Variants in CDH11 observed in about 807,000 individuals in gnomAD.
The protein encoded by CDH11 is cadherin 11, also known as cadherin-11.
A neutral mutation model predicts 67.8 loss-of-function variants in CDH11; 11 were observed. The ratio of observed to expected loss-of-function variants is 0.16; its 90% CI spans 0.10 to 0.27. The LOEUF (loss-of-function observed/expected upper bound fraction) is 0.27, where lower values mean the gene tolerates loss of function less well. Among genes scored for constraint, CDH11 ranks in the 10% least tolerant of loss-of-function variants. The probability of loss-of-function intolerance (pLI) is 1.00; values close to 1 mark genes in which losing one functional copy is unlikely to be tolerated. For missense variants in CDH11, 847 were observed against 1,031.2 expected, an observed-to-expected ratio of 0.82 and a Z score of 2.45; for synonymous variants, 419 against 400.0, an observed-to-expected ratio of 1.05 and a Z score of -0.57.
At chr16:65,033,736 C>CTAAAAGAAAATAAAA (rs2073694194) in intron 2 of CDH11, among the ~76,000 whole-genome samples, 1 of 141,478 alleles carries the variant, frequency 7.1e-6, no homozygotes, top group African/African-American at 2.6e-5. Context: ...GACTCCATCT[C>CTAAAAGAAAATAAAA]TAAAATAAAA....
intron 1 of CDH11, among the ~76,000 whole-genome samples, chr16:65,071,806 C>T (rs189580898): frequency 2.6e-5 from 4 of 152,250 alleles, no homozygotes; most frequent in Admixed American, 6.5e-5. Flanking sequence ...GATCGTGACC[C>T]GAGCCGAAAG....
At chr16:65,069,926 C>T (rs2074386864) in intron 1 of CDH11, among the ~76,000 whole-genome samples, 1 of 152,168 alleles carries the variant, frequency 6.6e-6, no homozygotes, top group South Asian at 2.1e-4. Context: ...CCTTGCCCCT[C>T]ATGAGCTTGC....
Position 65,018,543 on chromosome 16 carries a change from G to A in CDH11, c.-172-13502C>T, listed in dbSNP as rs931408296. Among the ~76,000 whole-genome samples the A allele has an allele frequency of 3.9e-5, 6 of 152,048 alleles. No individual in the cohort carries two copies. The East Asian group carries it at 1.2e-3, about 29-fold the overall frequency. On this transcript the variant is annotated intron_variant, in intron 2 of 12. Transcript: ENST00000268603. ...GAGAAAGAAACGTGCTCCAAATTTT[G>A]CTCACAGTAGTATACTTTTCTCAAT...
In CDH11 at chr16:64,951,018, T is replaced by G. The variant is rs953517296; in HGVS notation, c.1643A>C (p.Asp548Ala). 1.2e-6 allele frequency: 2 copies of G among 1,611,742 alleles called. No homozygotes were observed. Among genetic ancestry groups the G allele is most frequent in the Admixed American group, 1.7e-5 (1 of 59,972 alleles). Reference protein sequence around the residue: ...NPNFTVRDNRDNTAGVYARRG... With the variant: ...NPNFTVRDNRANTAGVYARRG... ...CCGGGCGTACACGCCTGCTGTGTTA[T>G]CTGCAGAAAGAGGGGAGACAGGCCG... Residue 548 changes from aspartate (D) to alanine (A), a missense_variant and splice_region_variant, in exon 12 of 13, where the codon GAT becomes GCT. By Grantham distance (126) the Asp-to-Ala change is moderately radical (BLOSUM62 -2). Coordinates refer to ENST00000268603, the MANE Select transcript of CDH11 (RefSeq NM_001797.4).
chr16:65,032,855 C>A (rs2073672148), intron 2 of CDH11, among the ~76,000 whole-genome samples: 1 of 152,102 alleles, frequency 6.6e-6, no homozygotes, highest in Non-Finnish European at 1.5e-5. Context: ...CAAAATCATT[C>A]ATCAAGAGGT....
At chr16:65,040,695 G>A (rs550015893) in intron 2 of CDH11, among the ~76,000 whole-genome samples, 107 of 152,154 alleles carry the variant, frequency 7.0e-4, no homozygotes, top group African/African-American at 1.1e-3. Context: ...ACCCTAAAAC[G>A]TAAAGTATAA....
chr16:64,995,133 C>G (rs1439445554), intron 4 of CDH11, among the ~76,000 whole-genome samples: 1 of 151,908 alleles, frequency 6.6e-6, no homozygotes, highest in Non-Finnish European at 1.5e-5. Flanking sequence ...AATGTTTTCC[C>G]ATTTGATATC....
At chr16:65,053,976 GACC>G (rs1369752242) in intron 1 of CDH11, 48 bp from the exon 2 acceptor site, 2 of 454,576 alleles carry the variant, frequency 4.4e-6, no homozygotes, top group African/African-American at 4.0e-5. Flanking sequence ...GCCATGAATT[GACC>G]AAGTGATACA....
At chr16:65,074,988 T>G (rs779099905) in intron 1 of CDH11, among the ~76,000 whole-genome samples, 4 of 152,098 alleles carry the variant, frequency 2.6e-5, no homozygotes, top group African/African-American at 4.8e-5. Context: ...CACTAGTTCC[T>G]CCTGCTGTCT....
At chr16:65,081,863 T>C (rs1335973753) in intron 1 of CDH11, among the ~76,000 whole-genome samples, 1 of 152,224 alleles carries the variant, frequency 6.6e-6, no homozygotes, top group Non-Finnish European at 1.5e-5. Context: ...ATGTGATTTG[T>C]AGTGTGAACA....
At chr16:64,972,821 C>A in intron 9 of CDH11, 83 bp downstream of exon 9, 1 of 1,430,002 alleles carries the variant, frequency 7.0e-7, no homozygotes, top group Non-Finnish European at 9.7e-7. Context: ...TAGTCTATCT[C>A]AGCTATTTTA....
intron 2 of CDH11, among the ~76,000 whole-genome samples, chr16:65,045,329 GTATATATATATATATATATA>G (rs57695452): frequency 0.31 from 19,458 of 63,432 alleles, 3,103 homozygotes; most frequent in East Asian, 0.63. Context: ...TCCCTCAAAA[GTATATATATATATATATATA>G]TATATATATA....
chr16:65,038,282 G>A (rs541774752), intron 2 of CDH11, among the ~76,000 whole-genome samples: 9 of 152,138 alleles, frequency 5.9e-5, no homozygotes, highest in South Asian at 2.1e-4. Context: ...GGGCTGTTTC[G>A]CGGGACGCTG....
At chr16:65,108,903 T>C (rs543105962) in intron 1 of CDH11, among the ~76,000 whole-genome samples, 1 of 152,244 alleles carries the variant, frequency 6.6e-6, no homozygotes, top group African/African-American at 2.4e-5. Flanking sequence ...TCCCAGCACT[T>C]TGGGAGGCTG....
intron 1 of CDH11, among the ~76,000 whole-genome samples, chr16:65,114,896 G>C (rs2075216528): frequency 1.3e-5 from 2 of 152,140 alleles, no homozygotes; most frequent in Non-Finnish European, 2.9e-5. Context: ...CACAAGGCAG[G>C]TCCAGGACTT....
chr16:65,070,972 C>T (rs2074405035), intron 1 of CDH11, among the ~76,000 whole-genome samples: 1 of 152,174 alleles, frequency 6.6e-6, no homozygotes, highest in Non-Finnish European at 1.5e-5. Context: ...GAGCCAAATG[C>T]ATGAGTCATG....
chr16:65,023,223 T>A (rs2142584686), intron 2 of CDH11, among the ~76,000 whole-genome samples: 1 of 152,238 alleles, frequency 6.6e-6, no homozygotes, highest in South Asian at 2.1e-4. Flanking sequence ...CACTTACCCA[T>A]CTGTCCAAAA....
chr16:65,005,930 G>T (rs1277040746), intron 2 of CDH11, among the ~76,000 whole-genome samples: 2 of 152,160 alleles, frequency 1.3e-5, no homozygotes, highest in Non-Finnish European at 2.9e-5. Flanking sequence ...AGCCAGTAAT[G>T]CCTTTCACCT....
At chr16:65,101,776 G>A in intron 1 of CDH11, among the ~76,000 whole-genome samples, 1 of 151,974 alleles carries the variant, frequency 6.6e-6, no homozygotes, top group East Asian at 1.9e-4. Context: ...GCTTTCTATG[G>A]TCCACTCCCA....
Sources: allele counts gnomAD v4.1 joint callset (sites outside exome capture counted in the v4.1 genomes callset), GRCh38; gene constraint gnomAD v4.1.1; transcripts MANE v1.5; gene names NCBI Gene and HGNC (gene_info 2026-07-23, HGNC 2026-07-21).